TBC1D5: variants seen among roughly 807,000 people sequenced by gnomAD.
TBC1D5 encodes the protein TBC1 domain family member 5, also known as TBC1 domain family, member 5.
TBC1D5 carries 75 observed loss-of-function variants against 100.3 expected under a neutral mutation model. The observed-to-expected ratio is 0.75, with a 90% CI of 0.62 to 0.91. TBC1D5 has a LOEUF of 0.91. Ranked by LOEUF, TBC1D5 falls within the 40% of genes least tolerant of loss-of-function variation. TBC1D5 has a pLI of 0.00. For missense variants in TBC1D5, 910 were observed against 942.4 expected (o/e 0.97, Z 0.45); for synonymous variants, 323 against 325.6 (o/e 0.99, Z 0.09).
intron 7 of TBC1D5, 131 bp downstream of exon 7, chr3:17,404,563 G>A: frequency 1.4e-6 from 1 of 731,352 alleles, no homozygotes. Flanking sequence ...CAGGTTTTAG[G>A]TGGTACTGTA....
rs558915790 is a variant in TBC1D5 at position 17,277,644 on chromosome 3, C to CTT, written c.1245+14250_1245+14251insAA. Among the ~76,000 whole-genome samples, 7 of 152,258 alleles carry CTT rather than the reference C, an allele frequency of 4.6e-5. No individual in the cohort carries two copies. The South Asian group carries it at 1.5e-3, about 32-fold the overall frequency. ...ATTATTGTGTGTTCCTTACAGAAGACCAAAGAGCTCCTGTTAACTTTCTTG... is the reference window on the plus strand; with the variant it reads ...ATTATTGTGTGTTCCTTACAGAAGACTTCAAAGAGCTCCTGTTAACTTTCTTG... On this transcript the variant is annotated intron_variant, in intron 15 of 21. Transcript: ENST00000253692.
At chr3:17,662,102 T>C (rs1203590585) in intron 1 of TBC1D5, among the ~76,000 whole-genome samples, 1 of 152,036 alleles carries the variant, frequency 6.6e-6, no homozygotes, top group African/African-American at 2.4e-5. Flanking sequence ...GTTGCCCAGG[T>C]TGGTGGTCTC....
chr3:17,252,421 G>A (rs1044543656), intron 16 of TBC1D5, among the ~76,000 whole-genome samples: 4 of 152,158 alleles, frequency 2.6e-5, no homozygotes, highest in Admixed American at 6.5e-5. Flanking sequence ...GATGATGAAA[G>A]ATTCCAGAAT....
At chr3:17,317,049 C>T (rs1423961537) in intron 13 of TBC1D5, among the ~76,000 whole-genome samples, 1 of 152,074 alleles carries the variant, frequency 6.6e-6, no homozygotes, top group Admixed American at 6.6e-5. Context: ...TCTGGTTTAC[C>T]ACAGTTACTC....
chr3:17,695,814 C>T (rs567660725), intron 1 of TBC1D5, among the ~76,000 whole-genome samples: 6 of 152,286 alleles, frequency 3.9e-5, no homozygotes, highest in South Asian at 4.1e-4. Context: ...AGCACCATAT[C>T]GCACTTATTC....
intron 3 of TBC1D5, among the ~76,000 whole-genome samples, chr3:17,501,406 T>C (rs977353763): frequency 6.7e-6 from 1 of 149,548 alleles, no homozygotes. Flanking sequence ...ATTTAGAATA[T>C]ATATTAGATA....
chr3:17,701,771 T>C (rs1289043185), intron 1 of TBC1D5, among the ~76,000 whole-genome samples: 1 of 151,848 alleles, frequency 6.6e-6, no homozygotes, highest in Non-Finnish European at 1.5e-5. Context: ...CAGGTATATA[T>C]GTGGGTAATT....
At chr3:17,285,398 C>T (rs2150023238) in intron 15 of TBC1D5, among the ~76,000 whole-genome samples, 1 of 151,058 alleles carries the variant, frequency 6.6e-6, no homozygotes, top group East Asian at 2.0e-4. Context: ...GTAGCTGGGA[C>T]TACAGGCGCC....
intron 13 of TBC1D5, among the ~76,000 whole-genome samples, chr3:17,342,149 A>G (rs1195078368): frequency 2.0e-5 from 3 of 152,304 alleles, no homozygotes; most frequent in African/African-American, 7.2e-5. Flanking sequence ...GGCATCTAAA[A>G]TCCTGACTAT....
At chr3:17,731,953 G>A (rs1250903377) in intron 1 of TBC1D5, among the ~76,000 whole-genome samples, 1 of 152,180 alleles carries the variant, frequency 6.6e-6, no homozygotes, top group East Asian at 1.9e-4. Context: ...AAGAAGTGGA[G>A]TTATCCAGTA....
chr3:17,423,165 C>CT (rs971352883), intron 4 of TBC1D5, among the ~76,000 whole-genome samples: 6 of 152,078 alleles, frequency 3.9e-5, no homozygotes, highest in Middle Eastern at 6.8e-3. Context: ...AGACAAGTGC[C>CT]TTTTTTTGTC....
chr3:17,732,429 A>G (rs1280609451), intron 1 of TBC1D5, among the ~76,000 whole-genome samples: 2 of 151,770 alleles, frequency 1.3e-5, no homozygotes, highest in South Asian at 4.2e-4. Context: ...ACTATTCTAT[A>G]ATTTTCTGGC....
intron 1 of TBC1D5, among the ~76,000 whole-genome samples, chr3:17,674,596 A>C (rs1255531191): frequency 6.6e-6 from 1 of 152,194 alleles, no homozygotes; most frequent in Non-Finnish European, 1.5e-5. Context: ...GAAACTATGA[A>C]GCAATCACAT....
At chr3:17,556,678 A>G (rs192252238) in intron 2 of TBC1D5, among the ~76,000 whole-genome samples, 1 of 152,348 alleles carries the variant, frequency 6.6e-6, no homozygotes, top group Admixed American at 6.5e-5. Context: ...GATTTATCAA[A>G]AAGGTAACTC....
At chr3:17,580,138 G>T (rs760305065) in intron 2 of TBC1D5, among the ~76,000 whole-genome samples, 214 of 152,046 alleles carry the variant, frequency 1.4e-3, no homozygotes, top group Non-Finnish European at 2.6e-3. Flanking sequence ...GTATAAGAAA[G>T]GATTTTGATG....
At chr3:17,458,736 T>C (rs1456189848) in intron 3 of TBC1D5, among the ~76,000 whole-genome samples, 1 of 152,204 alleles carries the variant, frequency 6.6e-6, no homozygotes, top group Non-Finnish European at 1.5e-5. Context: ...CAGCTTTTCA[T>C]TGTTTTACAT....
At chr3:17,397,918 T>C (rs1008260412) in intron 8 of TBC1D5, among the ~76,000 whole-genome samples, 1 of 152,090 alleles carries the variant, frequency 6.6e-6, no homozygotes, top group Non-Finnish European at 1.5e-5. Context: ...GGAAAACACA[T>C]TTGAAGAAAA....
chr3:17,293,490 T>G (rs934509953), intron 14 of TBC1D5, among the ~76,000 whole-genome samples: 1 of 152,246 alleles, frequency 6.6e-6, no homozygotes, highest in African/African-American at 2.4e-5. Flanking sequence ...GGGGCTTTAT[T>G]TGAACCTTTC....
chr3:17,365,815 T>C (rs1049895128), intron 13 of TBC1D5, among the ~76,000 whole-genome samples: 1 of 152,176 alleles, frequency 6.6e-6, no homozygotes, highest in Admixed American at 6.5e-5. Context: ...TGCCTCAGCT[T>C]TCTACCACAC....
Sources: gnomAD v4.1 joint callset for allele counts (sites outside exome capture counted in the v4.1 genomes callset) on GRCh38, gnomAD v4.1.1 for gene constraint, MANE v1.5 for transcripts, NCBI Gene and HGNC (gene_info 2026-07-23, HGNC 2026-07-21) for gene names.